HM13: variants seen among roughly 807,000 people sequenced by gnomAD.
HM13 encodes signal peptide peptidase.
A neutral mutation model predicts 50.0 loss-of-function variants in HM13; 18 were observed. The observed-to-expected ratio is 0.36, with a 90% CI of 0.25 to 0.53. The LOEUF is 0.53. Ranked by LOEUF, HM13 falls within the 20% of genes least tolerant of loss-of-function variation. HM13 has a pLI of 0.90. For missense variants in HM13, 393 were observed against 552.4 expected, an observed-to-expected ratio of 0.71 and a Z score of 2.89; for synonymous variants, 197 against 232.6, an observed-to-expected ratio of 0.85 and a Z score of 1.39.
chr20:31,561,841 C>A, intron 10 of HM13, 105 bp downstream of exon 10: 1 of 782,570 alleles, frequency 1.3e-6, no homozygotes, highest in Non-Finnish European at 2.2e-6. Context: ...AGGCACTCCC[C>A]ACTGGTGTTG....
chr20:31,567,970 A>G (rs1354242066), intron 11 of HM13, 108 bp from the exon 12 acceptor site: 2 of 1,010,864 alleles, frequency 2.0e-6, no homozygotes, highest in African/African-American at 3.3e-5. Context: ...AAAATAGGTA[A>G]AAACAAGACA....
At chr20:31,533,869 C>A (rs959850784) in intron 2 of HM13, among the ~76,000 whole-genome samples, 1 of 152,102 alleles carries the variant, frequency 6.6e-6, no homozygotes, top group South Asian at 2.1e-4. Flanking sequence ...AGATGTTCCC[C>A]TTGTGAGGTT....
rs111457342 is a variant in HM13 at position 31,545,185 on chromosome 20, A to G, written c.454+150A>G. The G allele has an allele frequency of 9.0e-5, 61 of 681,066 alleles. 1 individual carries two copies. The highest frequency in any genetic ancestry group is 1.2e-4 in the African/African-American group (7 of 56,188). 42.2% of individuals were successfully genotyped at this position (681,066 alleles called of 1,614,324 possible). A position where few individuals can be genotyped will look rare whatever the true frequency, so the allele number is the denominator to read the frequency against. ...CCTGGATTCACATTCCAACTCTGCT[A>G]TTGTCTAGACATGGGACCCTGGGTG... is the stretch of plus-strand genomic sequence containing the variant. On this transcript the variant is annotated intron_variant, in intron 4 of 12. Coordinates refer to ENST00000398174, the MANE Select transcript of HM13 (RefSeq NM_178581.3).
intron 7 of HM13, among the ~76,000 whole-genome samples, chr20:31,551,993 G>A (rs1984057241): frequency 6.6e-6 from 1 of 152,164 alleles, no homozygotes; most frequent in South Asian, 2.1e-4. Context: ...GATCGTGATG[G>A]ACAGGCCAGG....
In HM13 at chr20:31,566,407, C is replaced by G. The variant is rs867961762; in HGVS notation, c.1034+112C>G. 2.5e-5 allele frequency: 21 copies of G among 833,968 alleles called. No homozygotes were observed. In the Middle Eastern group the frequency reaches 3.3e-3, roughly 131 times the overall value. 51.7% of individuals were successfully genotyped at this position (833,968 alleles called of 1,614,324 possible). On this transcript the variant is annotated intron_variant, in intron 11 of 12. Coordinates refer to ENST00000398174, the MANE Select transcript of HM13 (RefSeq NM_178581.3). ...CTCTCCAGGGGAACATTGTTCCTGC[C>G]ACCAGCCCCACCCCTTGCCTTTTTC...
intron 2 of HM13, among the ~76,000 whole-genome samples, chr20:31,536,842 A>G (rs921910230): frequency 6.6e-6 from 1 of 152,002 alleles, no homozygotes; most frequent in African/African-American, 2.4e-5. Flanking sequence ...TTCATTCTCT[A>G]TCTCCCTGCC....
chr20:31,559,744 C>T (rs1984508540), intron 9 of HM13, 97 bp downstream of exon 9: 5 of 1,115,834 alleles, frequency 4.5e-6, no homozygotes, highest in South Asian at 2.5e-5. Flanking sequence ...ACCAGACCCT[C>T]CACCCCCACA....
At chr20:31,546,379 C>T (rs1983721036) in intron 4 of HM13, among the ~76,000 whole-genome samples, 1 of 152,078 alleles carries the variant, frequency 6.6e-6, no homozygotes, top group Non-Finnish European at 1.5e-5. Context: ...CTGCCTTGTC[C>T]CTAATCGGCA....
intron 10 of HM13, among the ~76,000 whole-genome samples, chr20:31,564,409 T>C (rs960451847): frequency 6.6e-6 from 1 of 151,978 alleles, no homozygotes; most frequent in Admixed American, 6.6e-5. Context: ...ACAACCAGTC[T>C]CTACAAAAAA....
At chr20:31,555,855 A>G (rs898543654) in intron 8 of HM13, among the ~76,000 whole-genome samples, 2 of 150,470 alleles carry the variant, frequency 1.3e-5, no homozygotes, top group Non-Finnish European at 3.0e-5. Flanking sequence ...CTGTAGTCCC[A>G]GCTACTCTGG....
Position 31,569,155 on chromosome 20 carries a change from T to C in HM13, c.1217T>C (p.Val406Ala). The stretch of plus-strand genomic sequence containing the variant: ...TCAAATCCTAAGGATCCAGCGGCAG[T>C]GACAGAATCCAAAGAGGGAACAGAG... The part of the protein sequence containing the change: ...EESNPKDPAA[V>A]TESKEGTEAS... The change falls in exon 13 of 13, where the codon GTG (valine) becomes GCG (alanine). Residue 406 changes from valine to alanine, a missense_variant. Physicochemically the swap from Val to Ala is moderately conservative, Grantham distance 64. This residue lies in a region of HM13 where 105 missense variants were observed against 115.9 expected (regional missense o/e 0.91). Transcript: ENST00000398174. 6.3e-7 allele frequency: 1 copy of C among 1,597,922 alleles called. No individual in the cohort carries two copies. Among genetic ancestry groups the C allele is most frequent in the South Asian group, 1.1e-5 (1 of 89,068 alleles).
At position 31,550,060 on chromosome 20, in the gene HM13, C is replaced by T. The variant is rs372311796; in HGVS notation, c.667-4C>T. On this transcript the variant is annotated splice_polypyrimidine_tract_variant and splice_region_variant and intron_variant, in intron 6 of 12. Transcript: ENST00000398174. ...TTCATACTGCTCTTTTTTTCTCCTT[C>T]TAGGTATTTGGCACCAATGTGATGG... is the stretch of plus-strand genomic sequence containing the variant. 6.2e-7 allele frequency: 1 copy of T among 1,612,502 alleles called. No homozygotes were observed. Among genetic ancestry groups the T allele is most frequent in the Non-Finnish European group, 8.5e-7 (1 of 1,178,786 alleles).
chr20:31,540,497 C>T (rs1440194263), intron 3 of HM13: 1 of 152,164 alleles, frequency 6.6e-6, no homozygotes, highest in African/African-American at 2.4e-5. Flanking sequence ...TTTTGAAAGC[C>T]ACTGTTAGGC....
At chr20:31,554,681 C>CAA (rs375749810) in intron 7 of HM13, 65 bp from the exon 8 acceptor site, 1,797 of 1,174,268 alleles carry the variant, frequency 1.5e-3, no homozygotes, top group Non-Finnish European at 1.7e-3. Context: ...GACTCCGTCT[C>CAA]AAAAAAAAAA....
chr20:31,514,566 C>T lies in HM13; in HGVS notation c.15C>T (p.Leu5=). The T allele has an allele frequency of 1.2e-6, 2 of 1,606,434 alleles. No homozygotes were observed. Among genetic ancestry groups the T allele is most frequent in the African/African-American group, 1.3e-5 (1 of 74,966 alleles). Residue 5 remains leucine (L), a synonymous_variant, in exon 1 of 13, where the codon CTC becomes CTT. Coordinates refer to ENST00000398174, the MANE Select transcript of HM13 (RefSeq NM_178581.3). The surrounding 1 kb of genome is among the most constrained non-coding windows in gnomAD (Gnocchi z 4.3). MDSA[L]SDPHNGSAEA... is the part of the protein sequence containing the mutation. ...GCACCCTCGCCATGGACTCGGCCCT[C>T]AGCGATCCGCATAACGGCAGTGCCG...
At chr20:31,537,473 C>T (rs895319897) in intron 2 of HM13, among the ~76,000 whole-genome samples, 1 of 152,212 alleles carries the variant, frequency 6.6e-6, no homozygotes, top group Admixed American at 6.5e-5. Context: ...CACATTATTC[C>T]CTTATTCCCT....
chr20:31,545,773 G>A (rs1323986476), intron 4 of HM13, among the ~76,000 whole-genome samples: 2 of 152,152 alleles, frequency 1.3e-5, no homozygotes, highest in Non-Finnish European at 2.9e-5. Context: ...GTCACCCAGG[G>A]TGGAGTGCAG....
At chr20:31,544,868 T>A in intron 3 of HM13, 79 bp from the exon 4 acceptor site, 2 of 1,112,550 alleles carry the variant, frequency 1.8e-6, no homozygotes, top group Admixed American at 3.4e-5. Flanking sequence ...GGGTGCCAGC[T>A]GTAAATGGGG....
intron 2 of HM13, among the ~76,000 whole-genome samples, chr20:31,530,663 C>T (rs971864808): frequency 6.6e-6 from 1 of 152,142 alleles, no homozygotes; most frequent in Admixed American, 6.5e-5. Flanking sequence ...CCTTCCTTAG[C>T]CTCCCAAAGT....
Sources: gnomAD v4.1 joint callset for allele counts (sites outside exome capture counted in the v4.1 genomes callset) on GRCh38, gnomAD v4.1.1 for gene constraint, gnomAD v4.1.1 regional missense constraint, Gnocchi (gnomAD v3.1) non-coding constraint, MANE v1.5 for transcripts, NCBI Gene and HGNC (gene_info 2026-07-23, HGNC 2026-07-21) for gene names.